The following ENTREP2 variants were observed in gnomAD, a reference collection of about 807,000 sequenced individuals.
The protein encoded by ENTREP2 is endosomal transmembrane epsin interactor 2.
the ENTREP2 span, among the ~76,000 whole-genome samples, chr15:29,223,590 T>TC: frequency 6.6e-6 from 1 of 152,136 alleles, no homozygotes; most frequent in Non-Finnish European, 1.5e-5. Flanking sequence ...GAGCTATAAA[T>TC]CCGAGAAACA....
the ENTREP2 span, among the ~76,000 whole-genome samples, chr15:29,444,138 CAGAAAGAA>C: frequency 9.4e-4 from 92 of 97,862 alleles, 8 homozygotes; most frequent in South Asian, 0.028. Context: ...GAAAGACAGA[CAGAAAGAA>C]AGACAGACAG....
the ENTREP2 span, among the ~76,000 whole-genome samples, chr15:29,490,856 C>G: frequency 6.6e-6 from 1 of 152,222 alleles, no homozygotes; most frequent in African/African-American, 2.4e-5. Flanking sequence ...CCTGCCAGTC[C>G]CACTCCAGGC....
the ENTREP2 span, among the ~76,000 whole-genome samples, chr15:29,295,259 G>A: frequency 6.6e-6 from 1 of 152,216 alleles, no homozygotes; most frequent in African/African-American, 2.4e-5. Flanking sequence ...CAGCACTGAC[G>A]ACGATGGGCA....
chr15:29,313,597 C>T, the ENTREP2 span, among the ~76,000 whole-genome samples: 128 of 152,212 alleles, frequency 8.4e-4, 1 homozygote, highest in African/African-American at 2.8e-3. Context: ...TGAGACCTAA[C>T]GCTCAGAAAA....
the ENTREP2 span, among the ~76,000 whole-genome samples, chr15:29,415,677 C>T: frequency 6.6e-6 from 1 of 152,040 alleles, no homozygotes; most frequent in Non-Finnish European, 1.5e-5. Context: ...AGGAGATAAA[C>T]GGCATTCAAT....
the ENTREP2 span, among the ~76,000 whole-genome samples, chr15:29,528,594 C>T: frequency 6.6e-6 from 1 of 152,118 alleles, no homozygotes. Context: ...AAAACAGAGC[C>T]CCTGAAATGA....
At chr15:29,429,093 A>G in the ENTREP2 span, among the ~76,000 whole-genome samples, 6 of 152,062 alleles carry the variant, frequency 3.9e-5, no homozygotes, top group Admixed American at 2.6e-4. Context: ...CCATCCATCC[A>G]TCCATCTTGA....
chr15:29,123,887 G>A, the ENTREP2 span, among the ~76,000 whole-genome samples: 5 of 152,088 alleles, frequency 3.3e-5, no homozygotes, highest in African/African-American at 1.2e-4. Context: ...CTGGGGGGAA[G>A]GGCCACCACA....
the ENTREP2 span, among the ~76,000 whole-genome samples, chr15:29,183,585 G>A: frequency 6.6e-6 from 1 of 152,236 alleles, no homozygotes; most frequent in Non-Finnish European, 1.5e-5. Flanking sequence ...CTCAATGCAA[G>A]ACCATGCAGA....
chr15:29,490,932 C>T, the ENTREP2 span, among the ~76,000 whole-genome samples: 1 of 152,334 alleles, frequency 6.6e-6, no homozygotes, highest in South Asian at 2.1e-4. Flanking sequence ...GGTGATGCCC[C>T]TCTGGGAGGC....
chr15:29,303,848 G>C, the ENTREP2 span, among the ~76,000 whole-genome samples: 1 of 152,106 alleles, frequency 6.6e-6, no homozygotes, highest in Non-Finnish European at 1.5e-5. Flanking sequence ...CGGCTGCATA[G>C]TATTCCATGG....
chr15:29,545,335 G>A, the ENTREP2 span, among the ~76,000 whole-genome samples: 58,075 of 152,052 alleles, frequency 0.38, 11,213 homozygotes, highest in East Asian at 0.41. Flanking sequence ...TCAATGCTAA[G>A]AGGACACAAA....
the ENTREP2 span, among the ~76,000 whole-genome samples, chr15:29,356,203 T>C: frequency 6.8e-6 from 1 of 146,412 alleles, no homozygotes; most frequent in Non-Finnish European, 1.5e-5. Flanking sequence ...GAGGATACTT[T>C]TGAAAAATCA....
At chr15:29,628,895 G>T in the ENTREP2 span, among the ~76,000 whole-genome samples, 600 of 152,178 alleles carry the variant, frequency 3.9e-3, 4 homozygotes, top group African/African-American at 0.014. Context: ...GATTACAAGT[G>T]GGCGCCAACA....
chr15:29,123,649 A>G, the ENTREP2 span: 9 of 1,546,228 alleles, frequency 5.8e-6, no homozygotes, highest in Non-Finnish European at 7.9e-6. Flanking sequence ...AGAGCGAGAC[A>G]TGGAAGCTAA....
chr15:29,289,566 C>T, the ENTREP2 span, among the ~76,000 whole-genome samples: 167 of 152,250 alleles, frequency 1.1e-3, 3 homozygotes, highest in African/African-American at 3.6e-3. Context: ...TGATATGAGG[C>T]ACGGTGTGGT....
chr15:29,606,748 T>C, the ENTREP2 span, among the ~76,000 whole-genome samples: 3 of 152,072 alleles, frequency 2.0e-5, no homozygotes, highest in African/African-American at 7.2e-5. Context: ...TTTTCTTAAG[T>C]ACTAATAATT....
the ENTREP2 span, among the ~76,000 whole-genome samples, chr15:29,177,855 G>A: frequency 4.7e-5 from 7 of 150,234 alleles, no homozygotes; most frequent in Non-Finnish European, 8.9e-5. Flanking sequence ...GGGGCAGAAA[G>A]CACTGTGAAG....
the ENTREP2 span, among the ~76,000 whole-genome samples, chr15:29,536,765 A>T: frequency 1.3e-5 from 2 of 152,138 alleles, no homozygotes; most frequent in African/African-American, 4.8e-5. Context: ...AAAAAGGGGA[A>T]ATTTGGACAC....
Sources: allele counts gnomAD v4.1 joint callset (sites outside exome capture counted in the v4.1 genomes callset), GRCh38; gene constraint gnomAD v4.1.1; transcripts MANE v1.5; gene names NCBI Gene and HGNC (gene_info 2026-07-23, HGNC 2026-07-21).